MTMR3: variants seen among roughly 807,000 people sequenced by gnomAD.
MTMR3 encodes the protein phosphatidylinositol-3,5-bisphosphate 3-phosphatase MTMR3.
MTMR3 carries 32 observed loss-of-function variants against 132.4 expected under a neutral mutation model. That is an observed-to-expected ratio of 0.24 (90% confidence interval 0.18 to 0.32). The LOEUF (loss-of-function observed/expected upper bound fraction) is 0.32, where lower values mean the gene tolerates loss of function less well. MTMR3 is among the 10% of genes least tolerant of loss of function. MTMR3 has a pLI of 1.00. For missense variants in MTMR3, 1,216 were observed against 1,489.6 expected (o/e 0.82, Z 3.02); for synonymous variants, 556 against 550.3 (o/e 1.01, Z -0.14).
At chr22:29,897,613 C>A (rs9625879) in intron 1 of MTMR3, among the ~76,000 whole-genome samples, 31,455 of 151,386 alleles carry the variant, frequency 0.21, 3,811 homozygotes, top group Middle Eastern at 0.38. Flanking sequence ...TCACCATGCC[C>A]GGCTAATTTT....
intron 1 of MTMR3, among the ~76,000 whole-genome samples, chr22:29,916,651 T>TA: frequency 6.6e-6 from 1 of 152,216 alleles, no homozygotes; most frequent in Non-Finnish European, 1.5e-5. Flanking sequence ...AGTCTCAAGT[T>TA]ACTCCATCAT....
chr22:29,934,985 T>C (rs2065719627), intron 1 of MTMR3, among the ~76,000 whole-genome samples: 1 of 152,256 alleles, frequency 6.6e-6, no homozygotes, highest in South Asian at 2.1e-4. Context: ...TTTTCTATTA[T>C]AGTATTTAAG....
chr22:29,896,660 T>TA (rs923991616), intron 1 of MTMR3, among the ~76,000 whole-genome samples: 64 of 149,954 alleles, frequency 4.3e-4, no homozygotes, highest in Admixed American at 1.3e-3. Flanking sequence ...TTCCATAGTC[T>TA]AAAAAAAAAG....
rs2067931408 is a variant in MTMR3 at position 30,027,395 on chromosome 22, C to T, written c.*1594C>T. 2.0e-5 allele frequency: 3 copies of T among 152,802 alleles called. No individual in the cohort carries two copies. The highest frequency in any genetic ancestry group is 4.4e-5 in the Non-Finnish European group (3 of 68,050). 9.5% of individuals were successfully genotyped at this position (152,802 alleles called of 1,614,324 possible). On this transcript the variant is annotated 3_prime_UTR_variant, in exon 20 of 20. Coordinates refer to ENST00000401950, the MANE Select transcript of MTMR3 (RefSeq NM_021090.4). ...GGTTAAGGCGTGGCCCAGAAGGCTT[C>T]CCTGGTGCTCTCAGTCCAGGCAAAG...
intron 7 of MTMR3, chr22:29,994,955 T>G (rs866064875): frequency 1.3e-5 from 2 of 152,240 alleles, no homozygotes; most frequent in Non-Finnish European, 2.9e-5. Context: ...GACTGAAAGC[T>G]AAAAGCTTCT....
chr22:29,956,203 C>T (rs1377368985), intron 1 of MTMR3, among the ~76,000 whole-genome samples: 2 of 152,198 alleles, frequency 1.3e-5, no homozygotes, highest in African/African-American at 4.8e-5. Context: ...TGTTTTGTCT[C>T]TGTAAAGTTC....
intron 1 of MTMR3, among the ~76,000 whole-genome samples, chr22:29,940,127 G>C (rs560986692): frequency 6.6e-6 from 1 of 152,132 alleles, no homozygotes; most frequent in African/African-American, 2.4e-5. Flanking sequence ...AATTAGCCGG[G>C]CGTGGTGGCG....
intron 1 of MTMR3, among the ~76,000 whole-genome samples, chr22:29,907,086 A>G (rs2065118356): frequency 6.6e-6 from 1 of 151,516 alleles, no homozygotes; most frequent in African/African-American, 2.4e-5. Flanking sequence ...CAAACAAACA[A>G]AATCCAAAAA....
chr22:29,916,757 G>C (rs912737386), intron 1 of MTMR3, among the ~76,000 whole-genome samples: 3 of 152,196 alleles, frequency 2.0e-5, no homozygotes, highest in African/African-American at 7.2e-5. Context: ...TCTGCGGGCA[G>C]TGTTTTGCAC....
chr22:29,961,604 T>C lies in MTMR3; in HGVS notation c.-85+4516T>C, dbSNP rs74838780. The stretch of plus-strand genomic sequence containing the variant: ...TTAAAATGGAACTGAAAAATAACTA[T>C]CACCTAGTGGAGTTGTAGTTGTCAT... On this transcript the variant is annotated intron_variant, in intron 2 of 19. Transcript: ENST00000401950. 4.5e-3 allele frequency among the ~76,000 whole-genome samples: 678 copies of C among 152,236 alleles called. 6 individuals are homozygous for C. The highest frequency in any genetic ancestry group is 0.015 in the African/African-American group (640 of 41,518).
chr22:30,004,311 T>C (rs1270376352), intron 9 of MTMR3: 3 of 152,224 alleles, frequency 2.0e-5, no homozygotes, highest in African/African-American at 7.2e-5. Flanking sequence ...GTTGCTGCTC[T>C]GGCCAACAAC....
intron 1 of MTMR3, among the ~76,000 whole-genome samples, chr22:29,949,894 A>G (rs2066040709): frequency 1.3e-5 from 2 of 152,150 alleles, no homozygotes; most frequent in African/African-American, 4.8e-5. Flanking sequence ...ATGAATTTCT[A>G]GAATATCTTT....
chr22:29,893,889 A>G (rs2064843901), intron 1 of MTMR3, among the ~76,000 whole-genome samples: 2 of 152,254 alleles, frequency 1.3e-5, no homozygotes, highest in East Asian at 3.9e-4. Flanking sequence ...TCTGTCACCC[A>G]GGCTGGAGTG....
intron 14 of MTMR3, chr22:30,014,858 T>TGA: frequency 6.6e-6 from 1 of 151,864 alleles, no homozygotes; most frequent in Non-Finnish European, 1.5e-5. Context: ...GCCTCCAGGC[T>TGA]GCTCCTCCAT....
chr22:30,022,474 G>A, intron 18 of MTMR3, 135 bp from the exon 19 acceptor site: 2 of 740,038 alleles, frequency 2.7e-6, no homozygotes, highest in Admixed American at 4.1e-5. Context: ...TTGTACTGTT[G>A]ACATCAGATC....
In MTMR3 at chr22:30,030,209, C is replaced by CTAT. The variant is rs2067987218; in HGVS notation, c.*4412_*4414dup. 6.6e-6 allele frequency: 1 copy of CTAT among 152,274 alleles called. No individual in the cohort carries two copies. 9.4% of individuals were successfully genotyped at this position (152,274 alleles called of 1,614,324 possible). On this transcript the variant is annotated 3_prime_UTR_variant, in exon 20 of 20. Transcript: ENST00000401950. Reference sequence around the variant, plus strand: ...TTTTATTTACCATTTAAGGTCTTTTCTATTATATCTGAGTAACTAGTCAGT... The same window carrying CTAT: ...TTTTATTTACCATTTAAGGTCTTTTCTATTATTATATCTGAGTAACTAGTCAGT...
intron 3 of MTMR3, 34 bp downstream of exon 3, chr22:29,971,096 C>CA: frequency 6.5e-7 from 1 of 1,541,398 alleles, no homozygotes; most frequent in Non-Finnish European, 8.8e-7. Flanking sequence ...AAAAAAAAAA[C>CA]AAAAAACCCT....
intron 8 of MTMR3, 55 bp downstream of exon 8, chr22:29,998,912 C>T (rs548687561): frequency 3.7e-5 from 44 of 1,180,934 alleles, no homozygotes; most frequent in East Asian, 1.9e-4. Context: ...TTGCAGAAAC[C>T]GCAATTCTCA....
At chr22:30,015,355 T>C (rs1413969426) in intron 14 of MTMR3, 3 of 151,868 alleles carry the variant, frequency 2.0e-5, no homozygotes, top group Non-Finnish European at 2.9e-5. Flanking sequence ...TCACCATGCC[T>C]GTCCAAAACT....
Sources: gnomAD v4.1 joint callset for allele counts (sites outside exome capture counted in the v4.1 genomes callset) on GRCh38, gnomAD v4.1.1 for gene constraint, MANE v1.5 for transcripts, NCBI Gene and HGNC (gene_info 2026-07-23, HGNC 2026-07-21) for gene names.